The following GSAP variants were observed in gnomAD, a reference collection of about 807,000 sequenced individuals.
GSAP encodes gamma-secretase activating protein.
In GSAP, 118 loss-of-function variants were observed where a neutral mutation model predicts 131.7. That is an observed-to-expected ratio of 0.90 (90% CI 0.77 to 1.04). GSAP has a LOEUF of 1.04. Ranked by LOEUF, GSAP falls within the 50% of genes least tolerant of loss-of-function variation. The pLI is 0.00. For missense variants in GSAP, 1,019 were observed against 1,013.2 expected, an observed-to-expected ratio of 1.01 and a Z score of -0.08; for synonymous variants, 381 against 363.4, an observed-to-expected ratio of 1.05 and a Z score of -0.55.
intron 1 of GSAP, among the ~76,000 whole-genome samples, chr7:77,413,593 G>A (rs1803704991): frequency 6.6e-6 from 1 of 152,196 alleles, no homozygotes; most frequent in Non-Finnish European, 1.5e-5. Context: ...ACAATATTGA[G>A]AAGGAAAATA....
At chr7:77,375,769 A>C (rs1796753528) in intron 10 of GSAP, among the ~76,000 whole-genome samples, 1 of 151,568 alleles carries the variant, frequency 6.6e-6, no homozygotes, top group Non-Finnish European at 1.5e-5. Flanking sequence ...GCTTGAATCC[A>C]GGAGGCAGAG....
In GSAP at chr7:77,313,566, G is replaced by C. The variant is rs1215479865; in HGVS notation, c.2210-17C>G. On this transcript the variant is annotated splice_polypyrimidine_tract_variant and intron_variant, in intron 27 of 30. Transcript: ENST00000257626. ...TATCCAGATCTACAAGAAAGTTAGA[G>C]ATTAGCAAATGAAACAAATACCCAT... 7.7e-7 allele frequency: 1 copy of C among 1,301,966 alleles called. No individual in the cohort carries two copies. The highest frequency in any genetic ancestry group is 1.1e-6 in the Non-Finnish European group (1 of 905,470). The allele number at this position is 1,301,966 out of a possible 1,614,324, so 80.7% of individuals were successfully genotyped here.
intron 12 of GSAP, among the ~76,000 whole-genome samples, chr7:77,371,308 T>C (rs1796080919): frequency 6.6e-6 from 1 of 152,164 alleles, no homozygotes; most frequent in African/African-American, 2.4e-5. Context: ...CCCAAACCCA[T>C]CTAGTTCCTT....
chr7:77,313,606 A>C (rs1794657116), intron 27 of GSAP, 57 bp from the exon 28 acceptor site: 3 of 810,716 alleles, frequency 3.7e-6, no homozygotes, highest in Non-Finnish European at 4.2e-6. Flanking sequence ...ATACTTTAGC[A>C]AGTTAATATT....
At chr7:77,335,816 A>C (rs1789898087) in intron 19 of GSAP, among the ~76,000 whole-genome samples, 2 of 152,236 alleles carry the variant, frequency 1.3e-5, no homozygotes, top group Non-Finnish European at 2.9e-5. Context: ...CCAGGACTCA[A>C]CTAGCACAGC....
At chr7:77,409,762 A>C (rs1414810759) in intron 1 of GSAP, among the ~76,000 whole-genome samples, 1 of 152,240 alleles carries the variant, frequency 6.6e-6, no homozygotes, top group Non-Finnish European at 1.5e-5. Flanking sequence ...GAACTCCTTC[A>C]CAAGAAATCT....
In GSAP at chr7:77,355,608, T is replaced by A; in HGVS notation, c.1067A>T (p.His356Leu). Residue 356 changes from histidine (H) to leucine (L), a missense_variant, in exon 15 of 31, where the codon CAC becomes CTC. Physicochemically the swap from His to Leu is moderately conservative, Grantham distance 99. Transcript: ENST00000257626. The part of the protein sequence containing the change: ...VAVYLPGHFF[H>L]LLNVQHPDLI... ...GTCTGGATGTTGAACATTAAGTAGG[T>A]GGAAGAAATGACCAGGTAAGTAAAC... 3 of 1,608,028 alleles carry A rather than the reference T, an allele frequency of 1.9e-6. No homozygotes were observed. Among genetic ancestry groups the A allele is most frequent in the Non-Finnish European group, 2.6e-6 (3 of 1,174,690 alleles).
intron 27 of GSAP, 108 bp downstream of exon 27, chr7:77,314,262 C>A: frequency 8.8e-7 from 1 of 1,133,348 alleles, no homozygotes; most frequent in Non-Finnish European, 1.3e-6. Flanking sequence ...GGGCACTCTT[C>A]TGAGTGCAGC....
intron 22 of GSAP, 191 bp downstream of exon 22, chr7:77,328,415 C>T (rs534121351): frequency 2.6e-5 from 34 of 1,298,168 alleles, no homozygotes; most frequent in Non-Finnish European, 2.9e-5. Context: ...CAGCTGTCCC[C>T]GGAGGTCCTG....
At chr7:77,414,063 T>C (rs940109806) in intron 1 of GSAP, among the ~76,000 whole-genome samples, 1 of 152,222 alleles carries the variant, frequency 6.6e-6, no homozygotes, top group African/African-American at 2.4e-5. Flanking sequence ...AGGCACAGAA[T>C]TTCCATGGCT....
chr7:77,344,736 G>A (rs1366566404), intron 19 of GSAP, among the ~76,000 whole-genome samples: 1 of 152,106 alleles, frequency 6.6e-6, no homozygotes, highest in Non-Finnish European at 1.5e-5. Flanking sequence ...CCCTGACGAA[G>A]TCCTATTCTT....
intron 13 of GSAP, among the ~76,000 whole-genome samples, chr7:77,362,039 C>T (rs1421384834): frequency 1.3e-5 from 2 of 152,134 alleles, no homozygotes; most frequent in Non-Finnish European, 2.9e-5. Flanking sequence ...GATTGGTCCA[C>T]AAGCCTAGAA....
At chr7:77,357,346 G>A (rs1478228471) in intron 14 of GSAP, among the ~76,000 whole-genome samples, 2 of 152,202 alleles carry the variant, frequency 1.3e-5, no homozygotes, top group Non-Finnish European at 2.9e-5. Flanking sequence ...TAGGGTAAAA[G>A]AGATCTTGCA....
rs1249635068 is a variant in GSAP, at chr7:77,355,413, C to T, written c.1138G>A (p.Asp380Asn). 6.7e-7 allele frequency: 1 copy of T among 1,488,772 alleles called. No homozygotes were observed. 92.2% of individuals were successfully genotyped at this position (1,488,772 alleles called of 1,614,324 possible). The stretch of plus-strand genomic sequence containing the variant: ...TGTAAAGGGCAATGAGGTAGCATAT[C>T]AATCATTTCATTATTTCCTGGCAAA... ...LFLTGNNEMI[D>N]MLPHCPLQSL... is the part of the protein sequence containing the mutation. Residue 380 changes from aspartate (D) to asparagine (N), a missense_variant, in exon 16 of 31, where the codon GAT (aspartate) becomes AAT (asparagine). Coordinates refer to ENST00000257626, the MANE Select transcript of GSAP (RefSeq NM_017439.4).
At chr7:77,387,862 G>GCATCA (rs1321169471) in intron 5 of GSAP, among the ~76,000 whole-genome samples, 1 of 152,196 alleles carries the variant, frequency 6.6e-6, no homozygotes, top group East Asian at 1.9e-4. Context: ...TTACAGAAAA[G>GCATCA]CATCACATTT....
intron 18 of GSAP, among the ~76,000 whole-genome samples, chr7:77,349,939 T>G (rs1008367109): frequency 2.6e-5 from 4 of 152,122 alleles, no homozygotes; most frequent in African/African-American, 7.2e-5. Flanking sequence ...CAAAGGACTA[T>G]AAATCATGCT....
intron 21 of GSAP, 40 bp from the exon 22 acceptor site, chr7:77,328,677 C>T (rs142651874): frequency 7.8e-7 from 1 of 1,281,768 alleles, no homozygotes; most frequent in East Asian, 2.3e-5. Context: ...GACAGCATTG[C>T]TTTTAAAAAA....
At chr7:77,414,706 C>T (rs1323060375) in intron 1 of GSAP, among the ~76,000 whole-genome samples, 3 of 152,178 alleles carry the variant, frequency 2.0e-5, no homozygotes, top group African/African-American at 7.2e-5. Flanking sequence ...ACTCATCTAA[C>T]TTCTCATTTG....
intron 19 of GSAP, chr7:77,330,974 G>T: frequency 4.4e-6 from 2 of 456,750 alleles, no homozygotes; most frequent in Non-Finnish European, 5.8e-6. Context: ...AAGCAAGAAT[G>T]TATCCATTAT....
Sources: allele counts gnomAD v4.1 joint callset (sites outside exome capture counted in the v4.1 genomes callset), GRCh38; gene constraint gnomAD v4.1.1; transcripts MANE v1.5; gene names NCBI Gene and HGNC (gene_info 2026-07-23, HGNC 2026-07-21).